KCMF1: variants seen among roughly 807,000 people sequenced by gnomAD.
KCMF1 encodes E3 ubiquitin-protein ligase KCMF1.
In KCMF1, 3 loss-of-function variants were observed where a neutral mutation model predicts 41.1. The ratio of observed to expected loss-of-function variants is 0.07; its 90% CI spans 0.03 to 0.19. KCMF1 has a LOEUF of 0.19. Ranked by LOEUF, KCMF1 falls within the 10% of genes least tolerant of loss-of-function variation. The pLI is 1.00. For missense variants in KCMF1, 286 were observed against 488.9 expected, an observed-to-expected ratio of 0.58 and a Z score of 3.91; for synonymous variants, 142 against 164.5, an observed-to-expected ratio of 0.86 and a Z score of 1.04.
chr2:85,025,688 A>G (rs1328179053), intron 1 of KCMF1, among the ~76,000 whole-genome samples: 1 of 152,058 alleles, frequency 6.6e-6, no homozygotes, highest in African/African-American at 2.4e-5. Context: ...AGCTTACTGC[A>G]ACCTCTGCCT....
intron 1 of KCMF1, among the ~76,000 whole-genome samples, chr2:84,977,867 G>A (rs1275099053): frequency 6.6e-6 from 1 of 152,032 alleles, no homozygotes; most frequent in East Asian, 1.9e-4. Flanking sequence ...TCATTTTGAA[G>A]CTCATTTTCC....
intron 1 of KCMF1, among the ~76,000 whole-genome samples, chr2:85,004,529 A>T (rs566030237): frequency 6.6e-6 from 1 of 151,550 alleles, no homozygotes; most frequent in Non-Finnish European, 1.5e-5. Flanking sequence ...AATAATAATA[A>T]AAAAAAAGAG....
intron 3 of KCMF1, among the ~76,000 whole-genome samples, chr2:85,036,305 ATTC>A (rs1458712791): frequency 1.3e-5 from 2 of 152,160 alleles, no homozygotes; most frequent in Non-Finnish European, 2.9e-5. Context: ...TTCTTAGTTT[ATTC>A]TTTTTATTCT....
intron 1 of KCMF1, among the ~76,000 whole-genome samples, chr2:84,982,557 A>G (rs1673791817): frequency 6.6e-6 from 1 of 151,274 alleles, no homozygotes. Flanking sequence ...ATGCACCACC[A>G]TGCCCTAATT....
At chr2:84,985,210 G>A (rs535358452) in intron 1 of KCMF1, among the ~76,000 whole-genome samples, 100 of 152,302 alleles carry the variant, frequency 6.6e-4, no homozygotes, top group Middle Eastern at 3.4e-3. Flanking sequence ...TGAAGTTGGC[G>A]TAGTTCGAGC....
intron 6 of KCMF1, among the ~76,000 whole-genome samples, chr2:85,051,782 A>G (rs1185667625): frequency 1.3e-5 from 2 of 152,230 alleles, no homozygotes; most frequent in South Asian, 2.1e-4. Flanking sequence ...AAAGTAAGGA[A>G]AATTAAGAGA....
chr2:84,976,458 A>G (rs979267970), intron 1 of KCMF1, among the ~76,000 whole-genome samples: 1 of 151,932 alleles, frequency 6.6e-6, no homozygotes, highest in African/African-American at 2.4e-5. Flanking sequence ...CACCCACCTC[A>G]GCCTCCTAAA....
At chr2:85,052,139 G>A (rs146206410) in intron 6 of KCMF1, among the ~76,000 whole-genome samples, 3,092 of 152,122 alleles carry the variant, frequency 0.02, 107 homozygotes, top group African/African-American at 0.069. Context: ...GCACGATCTC[G>A]GCTCACTGCA....
intron 3 of KCMF1, among the ~76,000 whole-genome samples, chr2:85,040,853 C>T (rs867480074): frequency 1.3e-5 from 2 of 151,850 alleles, no homozygotes; most frequent in South Asian, 2.1e-4. Flanking sequence ...CTCCGCTTCC[C>T]GGGTTCAAGT....
In KCMF1 at chr2:84,971,410, C is replaced by G; in HGVS notation, c.-42C>G. ...CGGGACCCCGCGGGGGACACTGCAG[C>G]CGGAGCCCGGGAGGGGCCGCGCCGC... On this transcript the variant is annotated 5_prime_UTR_variant, in exon 1 of 7. Coordinates refer to ENST00000409785, the MANE Select transcript of KCMF1 (RefSeq NM_020122.5). The G allele has an allele frequency of 4.2e-6, 5 of 1,191,682 alleles. No homozygotes were observed. Among genetic ancestry groups the G allele is most frequent in the Non-Finnish European group, 5.3e-6 (5 of 948,204 alleles). 73.8% of individuals were successfully genotyped at this position (1,191,682 alleles called of 1,614,324 possible). A position where few individuals can be genotyped will look rare whatever the true frequency, so the allele number is the denominator to read the frequency against.
intron 1 of KCMF1, among the ~76,000 whole-genome samples, chr2:84,982,686 C>T (rs762130437): frequency 3.3e-5 from 5 of 152,088 alleles, no homozygotes; most frequent in Non-Finnish European, 5.9e-5. Context: ...GGCTGAGCCA[C>T]CATGCCCGGC....
intron 1 of KCMF1, among the ~76,000 whole-genome samples, chr2:84,999,037 C>CCCATCCAT (rs1207642350): frequency 7.5e-6 from 1 of 133,600 alleles, no homozygotes; most frequent in African/African-American, 2.8e-5. Context: ...CATCCACCCA[C>CCCATCCAT]CCATCCATCC....
intron 1 of KCMF1, among the ~76,000 whole-genome samples, chr2:84,996,337 C>T (rs1353499676): frequency 6.6e-6 from 1 of 151,110 alleles, no homozygotes; most frequent in Admixed American, 6.6e-5. Context: ...AATCAAGAAC[C>T]AATATAAATA....
At position 85,058,896 on chromosome 2, in the gene KCMF1, C is replaced by A. The variant is rs889772682; in HGVS notation, c.*5487C>A. The A allele has an allele frequency of 6.6e-6, 1 of 152,178 alleles. No homozygotes were observed. Among genetic ancestry groups the A allele is most frequent in the African/African-American group, 2.4e-5 (1 of 41,430 alleles). The allele number at this position is 152,178 out of a possible 1,614,324, so 9.4% of individuals were successfully genotyped here. A position where few individuals can be genotyped will look rare whatever the true frequency, so the allele number is the denominator to read the frequency against. ...AGTGAAGCCAGCCCAGAAGCATCCT[C>A]TTCTGTAAGCTGGATGGAGTCCCAG... On this transcript the variant is annotated 3_prime_UTR_variant, in exon 7 of 7. Coordinates refer to ENST00000409785, the MANE Select transcript of KCMF1 (RefSeq NM_020122.5).
chr2:85,029,343 A>G (rs1197958837), intron 2 of KCMF1, among the ~76,000 whole-genome samples: 1 of 152,062 alleles, frequency 6.6e-6, no homozygotes, highest in South Asian at 2.1e-4. Context: ...GCCCTTTGGG[A>G]GGCTTAAGAT....
chr2:85,042,923 T>G (rs745526440), intron 3 of KCMF1, among the ~76,000 whole-genome samples: 3 of 152,314 alleles, frequency 2.0e-5, no homozygotes, highest in Non-Finnish European at 4.4e-5. Context: ...CATGGAAAGT[T>G]GTTCTACTAC....
At chr2:85,047,050 T>G (rs182466136) in intron 5 of KCMF1, among the ~76,000 whole-genome samples, 2 of 152,180 alleles carry the variant, frequency 1.3e-5, no homozygotes, top group Admixed American at 6.5e-5. Context: ...AAACATAGTA[T>G]GTATAGGGTT....
intron 2 of KCMF1, among the ~76,000 whole-genome samples, chr2:85,029,439 C>T (rs554286938): frequency 1.4e-4 from 22 of 151,726 alleles, no homozygotes; most frequent in Non-Finnish European, 2.5e-4. Context: ...CCGAAAAATA[C>T]AATAAATTAG....
chr2:85,039,772 C>T (rs1011709552), intron 3 of KCMF1, among the ~76,000 whole-genome samples: 4 of 152,012 alleles, frequency 2.6e-5, no homozygotes, highest in South Asian at 2.1e-4. Context: ...ACAGCAGAGA[C>T]GACACTGAGA....
Sources: allele counts gnomAD v4.1 joint callset (sites outside exome capture counted in the v4.1 genomes callset), GRCh38; gene constraint gnomAD v4.1.1; transcripts MANE v1.5; gene names NCBI Gene and HGNC (gene_info 2026-07-23, HGNC 2026-07-21).